The following ADCY4 variants were observed in gnomAD, a reference collection of about 807,000 sequenced individuals.
The protein encoded by ADCY4 is adenylate cyclase type 4.
A neutral mutation model predicts 125.5 loss-of-function variants in ADCY4; 111 were observed. The ratio of observed to expected loss-of-function variants is 0.88; its 90% CI spans 0.76 to 1.04. ADCY4 has a LOEUF of 1.04. ADCY4 is among the 50% of genes least tolerant of loss of function. The pLI is 0.00. For synonymous variants in ADCY4, 576 were observed against 586.9 expected (o/e 0.98, Z 0.27); for missense variants, 1,256 against 1,382.9 (o/e 0.91, Z 1.46).
chr14:24,330,770 A>T, intron 6 of ADCY4: 1 of 496,622 alleles, frequency 2.0e-6, no homozygotes, highest in Non-Finnish European at 3.6e-6. Flanking sequence ...GGCTCTGAGC[A>T]TGTTTGGGGC....
Position 24,331,934 on chromosome 14 carries a change from C to T in ADCY4, c.523G>A (p.Ala175Thr), listed in dbSNP as rs1224794646. The T allele has an allele frequency of 1.9e-6, 3 of 1,555,146 alleles. No individual in the cohort carries two copies. The highest frequency in any genetic ancestry group is 2.3e-5 in the East Asian group (1 of 42,612). The change falls in exon 4 of 25, where the codon GCA becomes ACA. Residue 175 changes from alanine (A) to threonine (T), a missense_variant. Coordinates refer to ENST00000418030, the MANE Select transcript of ADCY4 (RefSeq NM_001198568.2). The part of the protein sequence containing the change: ...DSRPALLPQL[A>T]ANAVLFLCGN... ...CACAGGAACAGCACTGCGTTTGCTG[C>T]CAACTGTGGGTGAAGGCCAGCCTCA...
rs1056665898 is a variant in ADCY4, at chr14:24,318,835, A to G, written c.2957-57T>C. ...AGAAGGAAGAGGGGAAGAGGAAGCC[A>G]CAAGGAACTGGAAGGAAGGGAGAAG... On this transcript the variant is annotated intron_variant, in intron 23 of 24. Transcript: ENST00000418030. 14 of 1,609,804 alleles carry G rather than the reference A, an allele frequency of 8.7e-6. No homozygotes were observed. The Admixed American group carries it at 1.3e-4, about 15-fold the overall frequency.
At position 24,318,510 on chromosome 14, in the gene ADCY4, C is replaced by T. The variant is rs757564411; in HGVS notation, c.3140G>A (p.Gly1047Asp). The change falls in exon 25 of 25, where the codon GGT (glycine) becomes GAT (aspartate). Residue 1047 changes from glycine (G) to aspartate (D), a missense_variant. Transcript: ENST00000418030. Reference protein sequence around the residue: ...QSLGYTCYSRGVIKVKGKGQL... With the variant: ...QSLGYTCYSRDVIKVKGKGQL... ...CCCTTTGCCTTTCACCTTGATGACA[C>T]CCCGGCTGTAGCAGGTGTAGCCCAG... 2.5e-6 allele frequency: 4 copies of T among 1,614,076 alleles called. No individual in the cohort carries two copies. Among genetic ancestry groups the T allele is most frequent in the Non-Finnish European group, 3.4e-6 (4 of 1,180,042 alleles).
chr14:24,331,647 G>T, intron 4 of ADCY4, 141 bp downstream of exon 4: 5 of 1,250,890 alleles, frequency 4.0e-6, no homozygotes, highest in Non-Finnish European at 4.3e-6. Flanking sequence ...TCTAAGATGG[G>T]CAATACCCAC....
At position 24,332,913 on chromosome 14, in the gene ADCY4, C is replaced by A; in HGVS notation, c.235G>T (p.Ala79Ser). Residue 79 changes from alanine to serine, a missense_variant, in exon 2 of 25, where the codon GCT becomes TCT. Ala to Ser is a moderately conservative substitution (Grantham distance 99, BLOSUM62 1). Transcript: ENST00000418030. The part of the protein sequence containing the change: ...LGGFSLLLGL[A>S]SREQRLQRWT... ...CGCTGCAGTCGCTGCTCCCGGGAAG[C>A]GAGGCCCAGCAGCAGCGAGAAGCCG... The A allele has an allele frequency of 6.2e-7, 1 of 1,603,734 alleles. No homozygotes were observed. Among genetic ancestry groups the A allele is most frequent in the Non-Finnish European group, 8.5e-7 (1 of 1,174,342 alleles).
intron 6 of ADCY4, 150 bp downstream of exon 6, chr14:24,330,868 A>G (rs1312607386): frequency 1.5e-6 from 1 of 666,230 alleles, no homozygotes; most frequent in Non-Finnish European, 2.5e-6. Context: ...GGAATGTTTG[A>G]GAGGGTTTCC....
rs577075818 is a variant in ADCY4 at position 24,319,240 on chromosome 14, G to A, written c.2842-28C>T. 1.2e-6 allele frequency: 2 copies of A among 1,613,398 alleles called. No homozygotes were observed. The highest frequency in any genetic ancestry group is 2.2e-5 in the South Asian group (2 of 91,058). On this transcript the variant is annotated intron_variant, in intron 22 of 24. Transcript: ENST00000418030. The surrounding 1 kb of genome is among the most constrained non-coding windows in gnomAD (Gnocchi z 4.5). Reference sequence around the variant, plus strand: ...GGCAATGGGCCCGCCCACCAGGGTGGGCCAGTGAGGGCACAGGAATAAGTC... The same window carrying A: ...GGCAATGGGCCCGCCCACCAGGGTGAGCCAGTGAGGGCACAGGAATAAGTC...
In ADCY4 at chr14:24,322,140, T is replaced by G; in HGVS notation, c.2512A>C (p.Thr838Pro). 1 of 1,613,878 alleles carries G rather than the reference T, an allele frequency of 6.2e-7. No homozygotes were observed. The highest frequency in any genetic ancestry group is 8.5e-7 in the Non-Finnish European group (1 of 1,179,896). ...REETETMENLTRLLLENVLPA... is the reference protein window; with the variant it reads ...REETETMENLPRLLLENVLPA... Reference sequence around the variant, plus strand: ...AGCACGTTCTCCAAGAGCAGCCGAGTCAGGTTCTCCATCGTCTCTGTCTCC... The same window carrying G: ...AGCACGTTCTCCAAGAGCAGCCGAGGCAGGTTCTCCATCGTCTCTGTCTCC... Residue 838 changes from threonine (T) to proline (P), a missense_variant, in exon 20 of 25, where the codon ACT becomes CCT. By Grantham distance (38) the Thr-to-Pro change is conservative. Transcript: ENST00000418030.
chr14:24,318,363 C>T lies in ADCY4; in HGVS notation c.*53G>A. 2 of 1,584,242 alleles carry T rather than the reference C, an allele frequency of 1.3e-6. No homozygotes were observed. Among genetic ancestry groups the T allele is most frequent in the Non-Finnish European group, 1.7e-6 (2 of 1,162,570 alleles). On this transcript the variant is annotated 3_prime_UTR_variant, in exon 25 of 25. Coordinates refer to ENST00000418030, the MANE Select transcript of ADCY4 (RefSeq NM_001198568.2). ...ATCAGCAGCTTCAGACATCAATGGG[C>T]TCCAGACACCCCAGAGTCTCTTTAT...
At chr14:24,322,463 G>A (rs995947562) in intron 19 of ADCY4, 161 bp downstream of exon 19, 2 of 886,942 alleles carry the variant, frequency 2.3e-6, no homozygotes, top group Admixed American at 2.8e-5. Flanking sequence ...ATAGGGGTGT[G>A]GGAGAAAGGA....
chr14:24,332,298 G>A (rs2042053857), intron 3 of ADCY4: 2 of 511,070 alleles, frequency 3.9e-6, no homozygotes, highest in African/African-American at 2.0e-5. Flanking sequence ...TTGTCCCCGG[G>A]GTAAACCACG....
rs369478608 is a variant in ADCY4, at chr14:24,330,155, C to A, written c.1058+13G>T. 1 of 1,611,668 alleles carries A rather than the reference C, an allele frequency of 6.2e-7. No individual in the cohort carries two copies. On this transcript the variant is annotated intron_variant, in intron 7 of 24. Transcript: ENST00000418030. ...CACCCTCAGCATTCCTCTTGACCACCGCCTGAGCTGACCTGATGGCCCGGC... is the reference window on the plus strand; with the variant it reads ...CACCCTCAGCATTCCTCTTGACCACAGCCTGAGCTGACCTGATGGCCCGGC...
chr14:24,321,234 A>G (rs1481726502), intron 20 of ADCY4, among the ~76,000 whole-genome samples: 1 of 143,482 alleles, frequency 7.0e-6, no homozygotes, highest in African/African-American at 2.6e-5. Flanking sequence ...AACATGGTGA[A>G]ACCCTGTCTC....
intron 10 of ADCY4, chr14:24,326,549 ACT>A: frequency 3.8e-6 from 2 of 529,760 alleles, no homozygotes; most frequent in Non-Finnish European, 6.8e-6. Context: ...TTTCCCCCTG[ACT>A]CTCTAGACTC....
Position 24,322,113 on chromosome 14 carries a change from G to C in ADCY4, c.2539C>G (p.Pro847Ala). 1 of 1,614,100 alleles carries C rather than the reference G, an allele frequency of 6.2e-7. No individual in the cohort carries two copies. Residue 847 changes from proline to alanine, a missense_variant, in exon 20 of 25, where the codon CCT becomes GCT. By Grantham distance (27) the Pro-to-Ala change is conservative (BLOSUM62 -1). Coordinates refer to ENST00000418030, the MANE Select transcript of ADCY4 (RefSeq NM_001198568.2). ...LTRLLLENVL[P>A]AHVAPQFIGQ... Reference sequence around the variant, plus strand: ...ATGAACTGGGGGGCCACGTGTGCAGGGAGCACGTTCTCCAAGAGCAGCCGA... The same window carrying C: ...ATGAACTGGGGGGCCACGTGTGCAGCGAGCACGTTCTCCAAGAGCAGCCGA...
Position 24,318,558 on chromosome 14 carries a change from T to G in ADCY4, c.3092A>C (p.Glu1031Ala), listed in dbSNP as rs773990060. Residue 1031 changes from glutamate to alanine, a missense_variant, in exon 25 of 25, where the codon GAG (glutamate) becomes GCG (alanine). Physicochemically the swap from Glu to Ala is moderately radical, Grantham distance 107. Coordinates refer to ENST00000418030, the MANE Select transcript of ADCY4 (RefSeq NM_001198568.2). ...GVLGKIQVTE[E>A]TAWALQSLGY... ...CAGGGACTGTAGGGCCCATGCTGTC[T>G]CCTCAGTCACCTACAATTGGAGGGG... The G allele has an allele frequency of 2.0e-5, 33 of 1,613,958 alleles. No individual in the cohort carries two copies. Among genetic ancestry groups the G allele is most frequent in the South Asian group, 9.9e-5 (9 of 91,080 alleles).
At position 24,325,441 on chromosome 14, in the gene ADCY4, A is replaced by T. The variant is rs756402790; in HGVS notation, c.1759T>A (p.Tyr587Asn). 6.2e-7 allele frequency: 1 copy of T among 1,613,838 alleles called. No individual in the cohort carries two copies. The highest frequency in any genetic ancestry group is 1.1e-5 in the South Asian group (1 of 91,070). Reference sequence around the variant, plus strand: ...AAAACCAGGAAGGTGCAGGCTTCATAGTATTTGAAGGCGGGGATTGCAGAG... The same window carrying T: ...AAAACCAGGAAGGTGCAGGCTTCATTGTATTTGAAGGCGGGGATTGCAGAG... ...RLSAIPAFKY[Y>N]EACTFLVFLS... The change falls in exon 14 of 25, where the codon TAT (tyrosine) becomes AAT (asparagine). Residue 587 changes from tyrosine to asparagine, a missense_variant. Tyr to Asn is a moderately radical substitution (Grantham distance 143, BLOSUM62 -2). Coordinates refer to ENST00000418030, the MANE Select transcript of ADCY4 (RefSeq NM_001198568.2).
intron 10 of ADCY4, among the ~76,000 whole-genome samples, chr14:24,326,997 A>G (rs1053889819): frequency 2.0e-5 from 3 of 147,842 alleles, no homozygotes; most frequent in African/African-American, 7.6e-5. Context: ...TCCAGGTTCA[A>G]GCAATTCTCT....
chr14:24,328,560 T>C (rs1036267248), intron 10 of ADCY4: 7 of 157,464 alleles, frequency 4.4e-5, no homozygotes, highest in African/African-American at 1.7e-4. Flanking sequence ...CCCTGTCCAG[T>C]GGATATGTGA....
Sources: gnomAD v4.1 joint callset for allele counts (sites outside exome capture counted in the v4.1 genomes callset) on GRCh38, gnomAD v4.1.1 for gene constraint, Gnocchi (gnomAD v3.1) non-coding constraint, MANE v1.5 for transcripts, NCBI Gene and HGNC (gene_info 2026-07-23, HGNC 2026-07-21) for gene names.